Variants in LRRC36 observed in about 807,000 individuals in gnomAD.
LRRC36 encodes leucine-rich repeat-containing protein 36.
LRRC36 carries 62 observed loss-of-function variants against 81.1 expected under a neutral mutation model. The ratio of observed to expected loss-of-function variants is 0.76; its 90% CI spans 0.62 to 0.94. LRRC36 has a LOEUF of 0.94. Among genes scored for constraint, LRRC36 ranks in the 40% least tolerant of loss-of-function variants. The pLI is 0.00. For missense variants in LRRC36, 761 were observed against 881.7 expected (o/e 0.86, Z 1.73); for synonymous variants, 334 against 348.6 (o/e 0.96, Z 0.47).
At chr16:67,380,635 TCACAGGCC>T (rs2040072729) in intron 12 of LRRC36, among the ~76,000 whole-genome samples, 1 of 152,222 alleles carries the variant, frequency 6.6e-6, no homozygotes. Context: ...TATCTGATAC[TCACAGGCC>T]CGAATAATCA....
chr16:67,361,733 A>AT (rs1005020172), intron 5 of LRRC36, among the ~76,000 whole-genome samples: 7 of 151,528 alleles, frequency 4.6e-5, no homozygotes, highest in African/African-American at 1.7e-4. Context: ...CGCCTGGCTG[A>AT]TTTTTTTATT....
At chr16:67,345,695 G>A (rs2038311977) in intron 2 of LRRC36, among the ~76,000 whole-genome samples, 1 of 151,858 alleles carries the variant, frequency 6.6e-6, no homozygotes, top group Admixed American at 6.6e-5. Context: ...GCATTGTTTT[G>A]TTTCCCTAAA....
chr16:67,340,610 C>T (rs2037986822), intron 1 of LRRC36, among the ~76,000 whole-genome samples: 1 of 151,840 alleles, frequency 6.6e-6, no homozygotes, highest in South Asian at 2.1e-4. Context: ...GAGCTGAGAT[C>T]ACACCACTGC....
chr16:67,353,455 C>T (rs1344033919), intron 5 of LRRC36, among the ~76,000 whole-genome samples: 2 of 151,916 alleles, frequency 1.3e-5, no homozygotes, highest in Non-Finnish European at 2.9e-5. Context: ...GGCGAGATCT[C>T]GGCTCACTGC....
At chr16:67,364,702 CAA>C (rs749823177) in intron 6 of LRRC36, among the ~76,000 whole-genome samples, 2 of 149,946 alleles carry the variant, frequency 1.3e-5, no homozygotes, top group South Asian at 4.5e-4. Context: ...AAAAAGCAAA[CAA>C]AAAAACTTCT....
chr16:67,352,846 TTTTGTA>T (rs1233741831), intron 5 of LRRC36, among the ~76,000 whole-genome samples: 1 of 151,626 alleles, frequency 6.6e-6, no homozygotes, highest in Non-Finnish European at 1.5e-5. Flanking sequence ...CACAGCTAAG[TTTTGTA>T]TTTTTTTGCA....
chr16:67,375,490 C>T, intron 10 of LRRC36, 78 bp downstream of exon 10: 5 of 1,247,452 alleles, frequency 4.0e-6, no homozygotes, highest in Non-Finnish European at 5.4e-6. Flanking sequence ...AGCCACTTAG[C>T]TCTCTTCACT....
chr16:67,353,456 G>A (rs2038751634), intron 5 of LRRC36, among the ~76,000 whole-genome samples: 1 of 151,596 alleles, frequency 6.6e-6, no homozygotes, highest in Non-Finnish European at 1.5e-5. Context: ...GCGAGATCTC[G>A]GCTCACTGCA....
At position 67,363,656 on chromosome 16, in the gene LRRC36, C is replaced by T; in HGVS notation, c.644C>T (p.Ala215Val). The T allele has an allele frequency of 6.2e-7, 1 of 1,613,154 alleles. No individual in the cohort carries two copies. The highest frequency in any genetic ancestry group is 8.5e-7 in the Non-Finnish European group (1 of 1,179,108). Residue 215 changes from alanine to valine, a missense_variant, in exon 6 of 14, where the codon GCA (alanine) becomes GTA (valine). Transcript: ENST00000329956. Reference protein sequence around the residue: ...REIKDSLSTSATQGNGTRDQK... With the variant: ...REIKDSLSTSVTQGNGTRDQK... The stretch of plus-strand genomic sequence containing the variant: ...ATAAAGGATTCCCTAAGTACTTCTG[C>T]AACTCAGGGCAATGGTACACGTGAT...
At chr16:67,375,495 T>C in intron 10 of LRRC36, 83 bp downstream of exon 10, 1 of 1,203,724 alleles carries the variant, frequency 8.3e-7, no homozygotes, top group Non-Finnish European at 1.1e-6. Context: ...CTTAGCTCTC[T>C]TCACTTGCAA....
intron 5 of LRRC36, among the ~76,000 whole-genome samples, chr16:67,360,481 A>G (rs1423782003): frequency 6.6e-6 from 1 of 152,226 alleles, no homozygotes; most frequent in African/African-American, 2.4e-5. Context: ...CTGAACCCAA[A>G]GTCACAGCCT....
chr16:67,332,317 G>C (rs1436096600), intron 1 of LRRC36, among the ~76,000 whole-genome samples: 1 of 152,210 alleles, frequency 6.6e-6, no homozygotes, highest in Non-Finnish European at 1.5e-5. Flanking sequence ...ACTTTGGGAG[G>C]CTGAGGAGGG....
intron 4 of LRRC36, chr16:67,348,747 T>C (rs1418551558): frequency 6.6e-6 from 1 of 152,230 alleles, no homozygotes; most frequent in Non-Finnish European, 1.5e-5. Flanking sequence ...ATAAACTCCA[T>C]GAGAACAAGG....
rs2038029493 is a variant in LRRC36, at chr16:67,341,010, TTCTATAGAA to T, written c.71-945_71-937del. Among the ~76,000 whole-genome samples the T allele has an allele frequency of 3.4e-5, 3 of 87,570 alleles. No individual in the cohort carries two copies. In the South Asian group the frequency reaches 1.0e-3, roughly 30 times the overall value. 57.4% of individuals were successfully genotyped at this position (87,570 alleles called of 152,430 possible). The stretch of plus-strand genomic sequence containing the variant: ...ATGTATATTATATATAGAATATGTA[TTCTATAGAA>T]TATGTACTCTACATATTCTATAGAA... On this transcript the variant is annotated intron_variant, in intron 1 of 13. Transcript: ENST00000329956.
chr16:67,346,074 T>C (rs1054467572), intron 2 of LRRC36, among the ~76,000 whole-genome samples, 182 bp from the exon 3 acceptor site: 1 of 152,242 alleles, frequency 6.6e-6, no homozygotes, highest in Admixed American at 6.5e-5. Context: ...GAACACCCAG[T>C]GCTCATGGAC....
chr16:67,362,968 A>G (rs2039226086), intron 5 of LRRC36, among the ~76,000 whole-genome samples: 1 of 152,136 alleles, frequency 6.6e-6, no homozygotes. Context: ...TTTTTAGTAG[A>G]GACAGAGTTT....
Position 67,365,299 on chromosome 16 carries a change from T to C in LRRC36, c.703-5T>C, listed in dbSNP as rs1299560732. On this transcript the variant is annotated splice_polypyrimidine_tract_variant and splice_region_variant and intron_variant, in intron 6 of 13. Transcript: ENST00000329956. ...CTTCTACCTAAACTTTCGAACTTTT[T>C]TTAGACACAGGAAGTAGCAAGAAGG... 8 of 1,612,568 alleles carry C rather than the reference T, an allele frequency of 5.0e-6. No homozygotes were observed. Among genetic ancestry groups the C allele is most frequent in the Admixed American group, 1.7e-5 (1 of 59,738 alleles).
chr16:67,347,448 C>T (rs1394735129), intron 3 of LRRC36, 47 bp from the exon 4 acceptor site: 1 of 1,608,732 alleles, frequency 6.2e-7, no homozygotes, highest in Admixed American at 1.7e-5. Context: ...CTAGTTATGT[C>T]TATGCCAAAA....
intron 7 of LRRC36, among the ~76,000 whole-genome samples, chr16:67,365,678 T>C (rs980178603): frequency 6.6e-6 from 1 of 152,210 alleles, no homozygotes; most frequent in African/African-American, 2.4e-5. Flanking sequence ...ATATACATTT[T>C]CTATACTTTT....
Sources: allele counts gnomAD v4.1 joint callset (sites outside exome capture counted in the v4.1 genomes callset), GRCh38; gene constraint gnomAD v4.1.1; transcripts MANE v1.5; gene names NCBI Gene and HGNC (gene_info 2026-07-23, HGNC 2026-07-21).